PIEZO2: variants seen among roughly 807,000 people sequenced by gnomAD.
PIEZO2 encodes piezo-type mechanosensitive ion channel component 2.
PIEZO2 carries 172 observed loss-of-function variants against 337.3 expected under a neutral mutation model. That is an observed-to-expected ratio of 0.51 (90% CI 0.45 to 0.58). The LOEUF (loss-of-function observed/expected upper bound fraction) is 0.58. Among genes scored for constraint, PIEZO2 ranks in the 20% least tolerant of loss-of-function variants. PIEZO2 has a pLI of 0.00. For synonymous variants in PIEZO2, 1,251 were observed against 1,228.5 expected, an observed-to-expected ratio of 1.02 and a Z score of -0.38; for missense variants, 3,028 against 3,391.3, an observed-to-expected ratio of 0.89 and a Z score of 2.66.
At position 10,895,325 on chromosome 18, in the gene PIEZO2, A is replaced by G. The variant is rs1370350378; in HGVS notation, c.329+15861T>C. Among the ~76,000 whole-genome samples, 1 of 152,080 alleles carries G rather than the reference A, an allele frequency of 6.6e-6. No individual in the cohort carries two copies. Among genetic ancestry groups the G allele is most frequent in the East Asian group, 1.9e-4 (1 of 5,186 alleles). ...GCTGGGTATGTTGGTGCGCACCTGT[A>G]ATAACAGCTACTCGGGAGGCTGAGG... On this transcript the variant is annotated intron_variant, in intron 4 of 55. Transcript: ENST00000674853. The surrounding 1 kb of genome is among the most constrained non-coding windows in gnomAD (Gnocchi z 4.8).
At position 10,736,641 on chromosome 18, in the gene PIEZO2, T is replaced by G; in HGVS notation, c.4778A>C (p.Lys1593Thr). Reference sequence around the variant, plus strand: ...CCTTCGTGGAGGTTCTTCATCTTCCTTCTTTAATTCTTCCTCTTCCTCCTC... The same window carrying G: ...CCTTCGTGGAGGTTCTTCATCTTCCGTCTTTAATTCTTCCTCTTCCTCCTC... The part of the protein sequence containing the change: ...SEEEEEEELK[K>T]EDEEPPRRSA... The change falls in exon 34 of 56, where the codon AAG becomes ACG. Residue 1593 changes from lysine (K) to threonine (T), a missense_variant. Transcript: ENST00000674853. The G allele has an allele frequency of 1.3e-6, 2 of 1,537,216 alleles. No individual in the cohort carries two copies. The highest frequency in any genetic ancestry group is 2.4e-5 in the South Asian group (2 of 84,058).
At position 10,670,562 on chromosome 18, in the gene PIEZO2, G is replaced by GAT. The variant is rs1405699692; in HGVS notation, c.*963_*964dup. On this transcript the variant is annotated 3_prime_UTR_variant, in exon 56 of 56. Coordinates refer to ENST00000674853, the MANE Select transcript of PIEZO2 (RefSeq NM_001378183.1). Reference sequence around the variant, plus strand: ...GTGAATTGGAATATGTAAACTCTTTGATATACCTGAAAAACAGGAAGGAAA... The same window carrying GAT: ...GTGAATTGGAATATGTAAACTCTTTGATATATACCTGAAAAACAGGAAGGAAA... The GAT allele has an allele frequency of 9.2e-5, 14 of 152,168 alleles. No individual in the cohort carries two copies. The highest frequency in any genetic ancestry group is 1.8e-4 in the Non-Finnish European group (12 of 68,038). The allele number at this position is 152,168 out of a possible 1,614,324, so 9.4% of individuals were successfully genotyped here.
intron 44 of PIEZO2, among the ~76,000 whole-genome samples, chr18:10,698,269 G>A (rs1174179832): frequency 6.6e-6 from 1 of 152,190 alleles, no homozygotes; most frequent in Non-Finnish European, 1.5e-5. Flanking sequence ...CTCAAAAGCA[G>A]GTTCTGAAGA....
chr18:10,787,333 C>T (rs1363001922), intron 15 of PIEZO2, 149 bp from the exon 16 acceptor site: 4 of 894,834 alleles, frequency 4.5e-6, no homozygotes, highest in East Asian at 2.7e-5. Context: ...TTTAATGTTC[C>T]GTGTCTATCA....
In PIEZO2 at chr18:10,716,338, C is replaced by G. The variant is rs1203220205; in HGVS notation, c.5090-522G>C. Among the ~76,000 whole-genome samples, 1 of 152,118 alleles carries G rather than the reference C, an allele frequency of 6.6e-6. No individual in the cohort carries two copies. Among genetic ancestry groups the G allele is most frequent in the Non-Finnish European group, 1.5e-5 (1 of 68,026 alleles). ...TCCACTTCCATTTACTGAATAGGAA[C>G]TATATTTTCTTTCTGATTTTCTTCA... On this transcript the variant is annotated intron_variant, in intron 37 of 55. Transcript: ENST00000674853. The surrounding 1 kb of genome is among the most constrained non-coding windows in gnomAD (Gnocchi z 4.1).
At chr18:10,848,894 C>T (rs141818534) in intron 7 of PIEZO2, among the ~76,000 whole-genome samples, 181 of 152,262 alleles carry the variant, frequency 1.2e-3, no homozygotes, top group African/African-American at 4.1e-3. Context: ...CCTGCCATCC[C>T]CTCCACTCTA....
chr18:10,887,220 C>T (rs994179302), intron 4 of PIEZO2, among the ~76,000 whole-genome samples: 2 of 151,774 alleles, frequency 1.3e-5, no homozygotes. Context: ...CAGGTGTGCA[C>T]TAGCACACCT....
At chr18:10,710,741 G>A (rs1209890905) in intron 39 of PIEZO2, among the ~76,000 whole-genome samples, 1 of 152,216 alleles carries the variant, frequency 6.6e-6, no homozygotes, top group Non-Finnish European at 1.5e-5. Flanking sequence ...CAGCCTCCTG[G>A]CCACCAGACC....
chr18:10,675,206 T>A lies in PIEZO2; in HGVS notation c.8161+3A>T. 1 of 1,526,142 alleles carries A rather than the reference T, an allele frequency of 6.6e-7. No individual in the cohort carries two copies. The allele number at this position is 1,526,142 out of a possible 1,614,324, so 94.5% of individuals were successfully genotyped here. A position where few individuals can be genotyped will look rare whatever the true frequency, so the allele number is the denominator to read the frequency against. On this transcript the variant is annotated splice_donor_region_variant and intron_variant, in intron 54 of 55. Coordinates refer to ENST00000674853, the MANE Select transcript of PIEZO2 (RefSeq NM_001378183.1). Reference sequence around the variant, plus strand: ...TTCTGAAACAAATTTTTCTCATTCTTACCAGATAAAAGTTGCTTTATAGGT... The same window carrying A: ...TTCTGAAACAAATTTTTCTCATTCTAACCAGATAAAAGTTGCTTTATAGGT...
intron 3 of PIEZO2, among the ~76,000 whole-genome samples, chr18:10,921,847 G>T (rs1169854288): frequency 2.0e-5 from 3 of 152,086 alleles, no homozygotes; most frequent in Admixed American, 6.5e-5. Flanking sequence ...CTTGAGTGTG[G>T]CCGTCTTCTA....
Position 10,861,463 on chromosome 18 carries a change from A to C in PIEZO2, c.493-4252T>G, listed in dbSNP as rs182444337. Among the ~76,000 whole-genome samples the C allele has an allele frequency of 2.0e-4, 31 of 152,352 alleles. No homozygotes were observed. Among genetic ancestry groups the C allele is most frequent in the African/African-American group, 7.2e-4 (30 of 41,584 alleles). The stretch of plus-strand genomic sequence containing the variant: ...CTTGTTATTTGCAACAACATGCATA[A>C]ATCTAAAGAAGAATATGCTAATTGA... On this transcript the variant is annotated intron_variant, in intron 5 of 55. Transcript: ENST00000674853. The surrounding 1 kb of genome is among the most constrained non-coding windows in gnomAD (Gnocchi z 4.3).
intron 3 of PIEZO2, among the ~76,000 whole-genome samples, chr18:10,960,145 A>G (rs1028075190): frequency 1.3e-5 from 2 of 152,144 alleles, no homozygotes; most frequent in East Asian, 3.8e-4. Flanking sequence ...ATATCTTTTT[A>G]TTGAAGTTAT....
At position 11,143,879 on chromosome 18, in the gene PIEZO2, G is replaced by T. The variant is rs2146295117; in HGVS notation, c.64+4646C>A. On this transcript the variant is annotated intron_variant, in intron 1 of 55. Transcript: ENST00000674853. The surrounding 1 kb of genome is among the most constrained non-coding windows in gnomAD (Gnocchi z 4.9). ...TGCTGTGTGTCAGGCTTTATACAAG[G>T]TGTGCTGTGCACACTATCTCACAAC... is the stretch of plus-strand genomic sequence containing the variant. Among the ~76,000 whole-genome samples, 1 of 152,336 alleles carries T rather than the reference G, an allele frequency of 6.6e-6. No individual in the cohort carries two copies. Among genetic ancestry groups the T allele is most frequent in the Non-Finnish European group, 1.5e-5 (1 of 68,036 alleles).
chr18:10,803,257 G>A (rs1221222580), intron 9 of PIEZO2, among the ~76,000 whole-genome samples: 1 of 152,194 alleles, frequency 6.6e-6, no homozygotes, highest in African/African-American at 2.4e-5. Context: ...ATACTGACAA[G>A]TTTCAGTATG....
intron 2 of PIEZO2, among the ~76,000 whole-genome samples, chr18:11,017,216 C>T (rs981000338): frequency 1.3e-5 from 2 of 152,118 alleles, no homozygotes; most frequent in Non-Finnish European, 2.9e-5. Context: ...GATGGGTTGC[C>T]CTGGAAGTCC....
In PIEZO2 at chr18:10,794,840, C is replaced by T; in HGVS notation, c.1690G>A (p.Glu564Lys). 3.3e-6 allele frequency: 5 copies of T among 1,536,910 alleles called. No homozygotes were observed. The highest frequency in any genetic ancestry group is 4.4e-6 in the Non-Finnish European group (5 of 1,146,754). ...GGAACTTTTTTAATTTCAGGAAGTT[C>T]AAAACTCCATATATACTGTAATATC... The part of the protein sequence containing the change: ...LLILQYIWSF[E>K]LPEIKKVPGF... The change falls in exon 13 of 56, where the codon GAA becomes AAA. Residue 564 changes from glutamate (E) to lysine (K), a missense_variant. This residue lies in a region of PIEZO2 where 50 missense variants were observed against 88.2 expected (regional missense o/e 0.57). Transcript: ENST00000674853. The surrounding 1 kb of genome is among the most constrained non-coding windows in gnomAD (Gnocchi z 6.6).
rs535643819 is a variant in PIEZO2 at position 10,866,950 on chromosome 18, A to T, written c.492+4303T>A. Among the ~76,000 whole-genome samples, 46 of 152,284 alleles carry T rather than the reference A, an allele frequency of 3.0e-4. 1 individual carries two copies. Among genetic ancestry groups the T allele is most frequent in the African/African-American group, 1.0e-3 (42 of 41,554 alleles). On this transcript the variant is annotated intron_variant, in intron 5 of 55. Transcript: ENST00000674853. ...GACATTTTGAGGTATGTATGACAGG[A>T]AGTTTTGCCCAGTTTCTGAAAGTGA...
chr18:10,970,640 C>G (rs951805472), intron 3 of PIEZO2, among the ~76,000 whole-genome samples: 13 of 149,014 alleles, frequency 8.7e-5, no homozygotes, highest in African/African-American at 3.2e-4. Context: ...TAGAGCAAAA[C>G]TTAGAACAAA....
intron 4 of PIEZO2, among the ~76,000 whole-genome samples, chr18:10,890,068 C>T (rs1208309963): frequency 1.3e-5 from 2 of 152,222 alleles, no homozygotes; most frequent in East Asian, 1.9e-4. Context: ...CCCCATCAAA[C>T]TCCAACTGAC....
Sources: gnomAD v4.1 joint callset for allele counts (sites outside exome capture counted in the v4.1 genomes callset) on GRCh38, gnomAD v4.1.1 for gene constraint, gnomAD v4.1.1 regional missense constraint, Gnocchi (gnomAD v3.1) non-coding constraint, MANE v1.5 for transcripts, NCBI Gene and HGNC (gene_info 2026-07-23, HGNC 2026-07-21) for gene names.